LRP1B: variants seen among roughly 807,000 people sequenced by gnomAD.
The protein encoded by LRP1B is LDL receptor related protein 1B, also known as low-density lipoprotein receptor-related protein 1B.
A neutral mutation model predicts 556.6 loss-of-function variants in LRP1B; 217 were observed. The ratio of observed to expected loss-of-function variants is 0.39; its 90% CI spans 0.35 to 0.44. The LOEUF (loss-of-function observed/expected upper bound fraction) is 0.44. LRP1B is among the 20% of genes least tolerant of loss of function. The probability of loss-of-function intolerance (pLI) is 1.00; values close to 1 mark genes in which losing one functional copy is unlikely to be tolerated. For synonymous variants in LRP1B, 2,047 were observed against 1,865.8 expected, an observed-to-expected ratio of 1.10 and a Z score of -2.50; for missense variants, 5,053 against 5,620.8, an observed-to-expected ratio of 0.90 and a Z score of 3.23.
intron 18 of LRP1B, among the ~76,000 whole-genome samples, chr2:140,958,874 C>T (rs181624766): frequency 1.2e-3 from 176 of 151,578 alleles, no homozygotes; most frequent in African/African-American, 4.1e-3. Flanking sequence ...TTTACCCACC[C>T]TCTCAAAGAA....
At chr2:140,707,087 T>C (rs1215097777) in intron 37 of LRP1B, among the ~76,000 whole-genome samples, 1 of 152,162 alleles carries the variant, frequency 6.6e-6, no homozygotes, top group African/African-American at 2.4e-5. Context: ...TCATTTTCTC[T>C]GGATTTAAAA....
chr2:140,245,128 ATAGT>A (rs2104894927), intron 87 of LRP1B, among the ~76,000 whole-genome samples: 1 of 151,532 alleles, frequency 6.6e-6, no homozygotes, highest in African/African-American at 2.4e-5. Flanking sequence ...AAATGCATTG[ATAGT>A]TCTATTAAAT....
intron 2 of LRP1B, among the ~76,000 whole-genome samples, chr2:141,655,854 T>C (rs1337058432): frequency 6.6e-6 from 1 of 152,100 alleles, no homozygotes; most frequent in Non-Finnish European, 1.5e-5. Flanking sequence ...TATTTATAAA[T>C]TACTTTGCAC....
intron 1 of LRP1B, among the ~76,000 whole-genome samples, chr2:141,991,000 T>C (rs1451578835): frequency 6.6e-6 from 1 of 152,026 alleles, no homozygotes; most frequent in Admixed American, 6.6e-5. Flanking sequence ...CATAGGTCCC[T>C]ACCCGTTTTT....
chr2:141,355,262 AC>A (rs1457179336), intron 3 of LRP1B, among the ~76,000 whole-genome samples: 1 of 151,718 alleles, frequency 6.6e-6, no homozygotes, highest in African/African-American at 2.4e-5. Context: ...TTCAAATGTA[AC>A]AGTCCTTTTT....
chr2:142,120,317 G>A (rs1016615215), intron 1 of LRP1B, among the ~76,000 whole-genome samples: 22 of 152,020 alleles, frequency 1.4e-4, no homozygotes, highest in African/African-American at 4.8e-4. Flanking sequence ...TCACCATGTT[G>A]GCCAGGTTGG....
intron 3 of LRP1B, among the ~76,000 whole-genome samples, chr2:141,371,472 T>C (rs990067983): frequency 4.6e-5 from 7 of 152,104 alleles, no homozygotes; most frequent in African/African-American, 1.7e-4. Context: ...AGCAATATGG[T>C]TATTTTAACA....
chr2:141,337,350 T>C (rs1471724658), intron 3 of LRP1B, among the ~76,000 whole-genome samples: 1 of 152,234 alleles, frequency 6.6e-6, no homozygotes. Context: ...TCTTTGATTA[T>C]GTTTCTGTGC....
At chr2:140,766,831 A>ACAT (rs1689124019) in intron 35 of LRP1B, among the ~76,000 whole-genome samples, 1 of 22,786 alleles carries the variant, frequency 4.4e-5, no homozygotes, top group Non-Finnish European at 1.4e-4. Context: ...AAATATATAT[A>ACAT]TATATATATA....
intron 1 of LRP1B, among the ~76,000 whole-genome samples, chr2:142,090,391 C>A (rs1210835591): frequency 6.6e-6 from 1 of 152,038 alleles, no homozygotes; most frequent in African/African-American, 2.4e-5. Context: ...ATGAAAAAGT[C>A]TTCTCCATCT....
chr2:140,464,129 G>A lies in LRP1B; in HGVS notation c.9626-6478C>T, dbSNP rs550158727. Among the ~76,000 whole-genome samples, 7 of 152,250 alleles carry A rather than the reference G, an allele frequency of 4.6e-5. 1 individual carries two copies. Among genetic ancestry groups the A allele is most frequent in the African/African-American group, 1.7e-4 (7 of 41,562 alleles). On this transcript the variant is annotated intron_variant, in intron 60 of 90. Transcript: ENST00000389484. ...AAGAATCGCTTGAATCCGGGAGGCA[G>A]AGGTTGCAGTGAGGCAAGATTGTGC...
chr2:140,370,419 A>G (rs1294774541), intron 71 of LRP1B, among the ~76,000 whole-genome samples: 3 of 152,054 alleles, frequency 2.0e-5, no homozygotes, highest in Middle Eastern at 6.8e-3. Context: ...CTTTCTCTGT[A>G]TTCTCCACAT....
At position 141,700,556 on chromosome 2, in the gene LRP1B, A is replaced by G. The variant is rs144200989; in HGVS notation, c.205+109723T>C. Among the ~76,000 whole-genome samples the G allele has an allele frequency of 3.6e-3, 542 of 151,894 alleles. 5 individuals carry two copies. Among genetic ancestry groups the G allele is most frequent in the African/African-American group, 0.013 (520 of 41,518 alleles). ...GCACACCTCTGGGCCTCAGAAAACAATAGCCCAAAGTGAAGGCCTCAGAAG... is the reference window on the plus strand; with the variant it reads ...GCACACCTCTGGGCCTCAGAAAACAGTAGCCCAAAGTGAAGGCCTCAGAAG... On this transcript the variant is annotated intron_variant, in intron 2 of 90. Transcript: ENST00000389484.
At chr2:140,748,775 T>TATATGATATATATTATATAC (rs1273579139) in intron 35 of LRP1B, among the ~76,000 whole-genome samples, 2 of 29,310 alleles carry the variant, frequency 6.8e-5, no homozygotes, top group South Asian at 3.1e-3. Flanking sequence ...ATGTATATAA[T>TATATGATATATATTATATAC]ATGTATATAA....
chr2:141,762,686 G>C (rs995258200), intron 2 of LRP1B, among the ~76,000 whole-genome samples: 1 of 152,168 alleles, frequency 6.6e-6, no homozygotes, highest in African/African-American at 2.4e-5. Flanking sequence ...TATGTATACT[G>C]TTTGTCCTTG....
chr2:140,640,383 C>CTT (rs70988414), intron 41 of LRP1B, among the ~76,000 whole-genome samples: 13,189 of 48,256 alleles, frequency 0.27, 5,447 homozygotes, highest in Non-Finnish European at 0.34. Flanking sequence ...GTCCTGTTTT[C>CTT]TTTTTTTTTT....
At chr2:141,889,824 A>G (rs1356204914) in intron 1 of LRP1B, among the ~76,000 whole-genome samples, 1 of 152,174 alleles carries the variant, frequency 6.6e-6, no homozygotes, top group African/African-American at 2.4e-5. Context: ...GTAAAAAAGT[A>G]TAAATCAGAA....
chr2:140,379,631 G>A (rs1683387097), intron 67 of LRP1B, among the ~76,000 whole-genome samples: 1 of 152,142 alleles, frequency 6.6e-6, no homozygotes, highest in Admixed American at 6.5e-5. Context: ...GGAGACAGAG[G>A]CTGCAGTGAG....
chr2:140,804,184 C>T (rs946153208), intron 32 of LRP1B, among the ~76,000 whole-genome samples: 5 of 152,026 alleles, frequency 3.3e-5, no homozygotes, highest in African/African-American at 9.7e-5. Context: ...TTATCAGACT[C>T]CCCACCTTGT....
Sources: gnomAD v4.1 joint callset for allele counts (sites outside exome capture counted in the v4.1 genomes callset) on GRCh38, gnomAD v4.1.1 for gene constraint, MANE v1.5 for transcripts, NCBI Gene and HGNC (gene_info 2026-07-23, HGNC 2026-07-21) for gene names.